Variants in PANK4 observed in about 807,000 individuals in gnomAD.
PANK4 encodes pantothenate kinase 4 (inactive), also known as 4'-phosphopantetheine phosphatase.
In PANK4, 40 loss-of-function variants were observed where a neutral mutation model predicts 87.9. The observed-to-expected ratio is 0.46, with a 90% CI of 0.35 to 0.59. The LOEUF is 0.59. Ranked by LOEUF, PANK4 falls within the 20% of genes least tolerant of loss-of-function variation. PANK4 has a pLI of 0.00. For missense variants in PANK4, 926 were observed against 1,072.3 expected (o/e 0.86, Z 1.90); for synonymous variants, 524 against 467.4 (o/e 1.12, Z -1.56).
rs1021684479 is a variant in PANK4, at chr1:2,520,424, A to G, written c.607-10T>C. 1.2e-6 allele frequency: 2 copies of G among 1,610,686 alleles called. No homozygotes were observed. The highest frequency in any genetic ancestry group is 1.7e-6 in the Non-Finnish European group (2 of 1,178,222). On this transcript the variant is annotated splice_polypyrimidine_tract_variant and intron_variant, in intron 4 of 18. Coordinates refer to ENST00000378466, the MANE Select transcript of PANK4 (RefSeq NM_018216.4). This position sits in a 1 kb window ranked among gnomAD's most constrained non-coding sequence, Gnocchi z 6.2. ...TGTCCTCCGTCTCCACCTGCAACAG[A>G]GCCAGGGCAGGTGTGCCCTCAGTGG...
At chr1:2,516,044 A>C (rs1643767921) in intron 9 of PANK4, 1 of 417,928 alleles carries the variant, frequency 2.4e-6, no homozygotes, top group East Asian at 4.7e-5. Context: ...CCATCCCTAT[A>C]GTAACTCCCT....
intron 1 of PANK4, among the ~76,000 whole-genome samples, chr1:2,523,467 T>C (rs1481345479): frequency 2.0e-5 from 3 of 152,196 alleles, no homozygotes; most frequent in Non-Finnish European, 2.9e-5. Flanking sequence ...TGAAGATCTA[T>C]TTTAAGAGAC....
rs1316728189 is a variant in PANK4, at chr1:2,510,083, A to G, written c.2013T>C (p.Arg671=). The change falls in exon 17 of 19, where the codon CGT becomes CGC. Residue 671 remains arginine (R), a synonymous_variant. Coordinates refer to ENST00000378466, the MANE Select transcript of PANK4 (RefSeq NM_018216.4). The surrounding 1 kb of genome is among the most constrained non-coding windows in gnomAD (Gnocchi z 4.9). ...THSESLIVAE[R]IAGMDPVVHS... is the part of the protein sequence containing the mutation. The stretch of plus-strand genomic sequence containing the variant: ...GCACGACAGGGTCCATGCCCGCAAT[A>G]CGCTCTGCCACGATGAGGGACTCGC... 1 of 1,610,688 alleles carries G rather than the reference A, an allele frequency of 6.2e-7. No individual in the cohort carries two copies. The highest frequency in any genetic ancestry group is 8.5e-7 in the Non-Finnish European group (1 of 1,179,054).
At chr1:2,513,063 G>A (rs1557438385) in intron 12 of PANK4, 24 bp from the exon 13 acceptor site, 1 of 1,571,192 alleles carries the variant, frequency 6.4e-7, no homozygotes, top group South Asian at 1.2e-5. Context: ...CAGATGCCAG[G>A]CCTGAGTGAA....
At chr1:2,512,503 G>GA in intron 13 of PANK4, 1 of 203,596 alleles carries the variant, frequency 4.9e-6, no homozygotes, top group Non-Finnish European at 1.0e-5. Flanking sequence ...CTACAGGCCA[G>GA]TCTAGGGGAC....
chr1:2,520,103 G>A lies in PANK4; in HGVS notation c.700-149C>T, dbSNP rs1481094108. 1.2e-5 allele frequency: 10 copies of A among 842,620 alleles called. No homozygotes were observed. Among genetic ancestry groups the A allele is most frequent in the African/African-American group, 6.8e-5 (4 of 58,458 alleles). 52.2% of individuals were successfully genotyped at this position (842,620 alleles called of 1,614,324 possible). On this transcript the variant is annotated intron_variant, in intron 5 of 18. Transcript: ENST00000378466. This position sits in a 1 kb window ranked among gnomAD's most constrained non-coding sequence, Gnocchi z 6.2. ...GGACCAAAGGCAGGAGGCGGCAAGCGGGACCCTCGGGCCACCCAGCCAGGA... is the reference window on the plus strand; with the variant it reads ...GGACCAAAGGCAGGAGGCGGCAAGCAGGACCCTCGGGCCACCCAGCCAGGA...
chr1:2,521,220 G>C lies in PANK4; in HGVS notation c.303C>G (p.Ile101Met), dbSNP rs200015822. ...LHFIKFENTY[I>M]EACLDFIKDH... ...CTTTGATGAAGTCCAGGCAGGCTTCGATGTAGGTATTCTCAAACTTAATGA... is the reference window on the plus strand; with the variant it reads ...CTTTGATGAAGTCCAGGCAGGCTTCCATGTAGGTATTCTCAAACTTAATGA... The change falls in exon 3 of 19, where the codon ATC becomes ATG. Residue 101 changes from isoleucine (I) to methionine (M), a missense_variant. Coordinates refer to ENST00000378466, the MANE Select transcript of PANK4 (RefSeq NM_018216.4). 1 of 1,613,732 alleles carries C rather than the reference G, an allele frequency of 6.2e-7. No homozygotes were observed. Among genetic ancestry groups the C allele is most frequent in the Admixed American group, 1.7e-5 (1 of 60,030 alleles).
rs764014142 is a variant in PANK4, at chr1:2,521,121, G to A, written c.402C>T (p.Ile134=). ...GGGAYKFKDL[I]EEKLRLKVDK... is the part of the protein sequence containing the mutation. ...CTCACTTCAGCCGCAGCTTCTCTTC[G>A]ATGAGGTCTTTGAACTTGTAGGCCC... Residue 134 remains isoleucine, a synonymous_variant, in exon 3 of 19, where the codon ATC becomes ATT. Coordinates refer to ENST00000378466, the MANE Select transcript of PANK4 (RefSeq NM_018216.4). 6 of 1,613,146 alleles carry A rather than the reference G, an allele frequency of 3.7e-6. No individual in the cohort carries two copies. The highest frequency in any genetic ancestry group is 1.7e-5 in the Admixed American group (1 of 60,004).
At chr1:2,522,980 G>A (rs1208228492) in intron 1 of PANK4, among the ~76,000 whole-genome samples, 3 of 152,120 alleles carry the variant, frequency 2.0e-5, no homozygotes, top group African/African-American at 7.2e-5. Flanking sequence ...GGAGGGCACT[G>A]GATGGTGCTA....
At position 2,519,215 on chromosome 1, in the gene PANK4, A is replaced by G. The variant is rs753481631; in HGVS notation, c.963T>C (p.Phe321=). The G allele has an allele frequency of 5.1e-5, 83 of 1,612,710 alleles. No individual in the cohort carries two copies. In the Admixed American group the frequency reaches 7.7e-4, roughly 15 times the overall value. ...GGTGGCCCCGGATAAAGAAGCCTCC[A>G]AAGTACACGCGGTCCAGGCTGTGCA... The part of the protein sequence containing the change: ...ARLHSLDRVY[F]GGFFIRGHPV... The change falls in exon 7 of 19, where the codon TTT becomes TTC. Residue 321 remains phenylalanine, a synonymous_variant. Transcript: ENST00000378466. The surrounding 1 kb of genome is among the most constrained non-coding windows in gnomAD (Gnocchi z 8.3).
At position 2,526,580 on chromosome 1, in the gene PANK4, T is replaced by G. The variant is rs1166954077; in HGVS notation, c.8A>C (p.Glu3Ala). 3.7e-6 allele frequency: 6 copies of G among 1,600,436 alleles called. No homozygotes were observed. The highest frequency in any genetic ancestry group is 1.4e-5 in the African/African-American group (1 of 73,784). Residue 3 changes from glutamate (E) to alanine (A), a missense_variant, in exon 1 of 19, where the codon GAG becomes GCG. Transcript: ENST00000378466. ...GCTCCCGCTGCCGCTCGCTCCACAC[T>G]CCGCCATTTTGAAAGTGCCCGGCCA... MA[E>A]CGASGSGSSG...
chr1:2,521,218 T>G lies in PANK4; in HGVS notation c.305A>C (p.Glu102Ala). 2 of 1,613,968 alleles carry G rather than the reference T, an allele frequency of 1.2e-6. No individual in the cohort carries two copies. Among genetic ancestry groups the G allele is most frequent in the Non-Finnish European group, 1.7e-6 (2 of 1,179,964 alleles). ...HFIKFENTYI[E>A]ACLDFIKDHL... ...GTCTTTGATGAAGTCCAGGCAGGCT[T>G]CGATGTAGGTATTCTCAAACTTAAT... Residue 102 changes from glutamate (E) to alanine (A), a missense_variant, in exon 3 of 19, where the codon GAA (glutamate) becomes GCA (alanine). Physicochemically the swap from Glu to Ala is moderately radical, Grantham distance 107. Coordinates refer to ENST00000378466, the MANE Select transcript of PANK4 (RefSeq NM_018216.4).
At position 2,511,662 on chromosome 1, in the gene PANK4, G is replaced by A; in HGVS notation, c.1749C>T (p.Tyr583=). 7 of 1,609,610 alleles carry A rather than the reference G, an allele frequency of 4.3e-6. No individual in the cohort carries two copies. The highest frequency in any genetic ancestry group is 6.0e-6 in the Non-Finnish European group (7 of 1,176,216). ...TCCTCTTTGCTTCTTCAAACCCAAA[G>A]TAGGGGTCGGATTCAAGGACACTGC... The part of the protein sequence containing the change: ...AVSAVLESDP[Y]FGFEEAKRKL... Residue 583 remains tyrosine, a synonymous_variant, in exon 14 of 19, where the codon TAC becomes TAT. Transcript: ENST00000378466.
At position 2,508,836 on chromosome 1, in the gene PANK4, G is replaced by A. The variant is rs1234463055; in HGVS notation, c.*11C>T. 2.0e-6 allele frequency: 3 copies of A among 1,502,436 alleles called. No individual in the cohort carries two copies. Among genetic ancestry groups the A allele is most frequent in the Non-Finnish European group, 2.8e-6 (3 of 1,088,268 alleles). 93.1% of individuals were successfully genotyped at this position (1,502,436 alleles called of 1,614,324 possible). ...AAGTGACAAGCAGAAGAGTCCGGCA[G>A]CTGCAGCGCCTCACTCGGCTGGGAC... is the stretch of plus-strand genomic sequence containing the variant. On this transcript the variant is annotated 3_prime_UTR_variant, in exon 19 of 19. Coordinates refer to ENST00000378466, the MANE Select transcript of PANK4 (RefSeq NM_018216.4). This position sits in a 1 kb window ranked among gnomAD's most constrained non-coding sequence, Gnocchi z 5.1.
rs1457877753 is a variant in PANK4, at chr1:2,526,484, T to C, written c.104A>G (p.Lys35Arg). The change falls in exon 1 of 19, where the codon AAG (lysine) becomes AGG (arginine). Residue 35 changes from lysine (K) to arginine (R), a missense_variant. Physicochemically the swap from Lys to Arg is conservative, Grantham distance 26. Transcript: ENST00000378466. ...GCTACCTATGTCGATGGCGAAGCGC[T>C]TGGCGTTCTCCAGGTTGCGGAAGAT... ...DEIFRNLENA[K>R]RFAIDIGGSL... 6.4e-7 allele frequency: 1 copy of C among 1,572,638 alleles called. No homozygotes were observed. The highest frequency in any genetic ancestry group is 2.5e-5 in the East Asian group (1 of 39,256).
rs1643864687 is a variant in PANK4, at chr1:2,520,391, C to T, written c.630G>A (p.Glu210=). The change falls in exon 5 of 19, where the codon GAG becomes GAA. Residue 210 remains glutamate, a synonymous_variant. Transcript: ENST00000378466. The surrounding 1 kb of genome is among the most constrained non-coding windows in gnomAD (Gnocchi z 6.2). ...IVKVETEDRF[E]WVGGSSIGGG... The stretch of plus-strand genomic sequence containing the variant: ...CTCCAATGGAGCTGCCGCCGACCCA[C>T]TCGAACCTGTCCTCCGTCTCCACCT... 2 of 1,612,808 alleles carry T rather than the reference C, an allele frequency of 1.2e-6. No individual in the cohort carries two copies. The highest frequency in any genetic ancestry group is 2.7e-5 in the African/African-American group (2 of 74,942).
At position 2,519,773 on chromosome 1, in the gene PANK4, C is replaced by G. The variant is rs1277847992; in HGVS notation, c.853+28G>C. 1.3e-6 allele frequency: 2 copies of G among 1,549,082 alleles called. No homozygotes were observed. The highest frequency in any genetic ancestry group is 1.7e-6 in the Non-Finnish European group (2 of 1,147,818). On this transcript the variant is annotated intron_variant, in intron 6 of 18. Transcript: ENST00000378466. This position sits in a 1 kb window ranked among gnomAD's most constrained non-coding sequence, Gnocchi z 8.3. The stretch of plus-strand genomic sequence containing the variant: ...CCCCAAGTGTCCCCACCATCCTGCT[C>G]TCTGGCGGCAGAGGCCGGGGTGAGC...
intron 8 of PANK4, 113 bp downstream of exon 8, chr1:2,518,403 G>A (rs1215071875): frequency 5.9e-6 from 6 of 1,019,836 alleles, no homozygotes; most frequent in Non-Finnish European, 1.5e-6. Flanking sequence ...GTCACTTTCT[G>A]AGGACTCACG....
Position 2,509,140 on chromosome 1 carries a change from A to G in PANK4, c.2109-80T>C. 9.0e-7 allele frequency: 1 copy of G among 1,113,562 alleles called. No individual in the cohort carries two copies. The highest frequency in any genetic ancestry group is 1.3e-6 in the Non-Finnish European group (1 of 775,206). The allele number at this position is 1,113,562 out of a possible 1,614,324, so 69.0% of individuals were successfully genotyped here. On this transcript the variant is annotated intron_variant, in intron 18 of 18. Transcript: ENST00000378466. This position sits in a 1 kb window ranked among gnomAD's most constrained non-coding sequence, Gnocchi z 4.9. ...CCCATACAGTGCGGCGACCAACGTG[A>G]AGGCTGAAACCCCTACCGCTCAATT... is the stretch of plus-strand genomic sequence containing the variant.
Sources: allele counts gnomAD v4.1 joint callset (sites outside exome capture counted in the v4.1 genomes callset), GRCh38; gene constraint gnomAD v4.1.1; non-coding constraint Gnocchi (gnomAD v3.1); transcripts MANE v1.5; gene names NCBI Gene and HGNC (gene_info 2026-07-23, HGNC 2026-07-21).